The following UBXN2B variants were observed in gnomAD, a reference collection of about 807,000 sequenced individuals.
The protein encoded by UBXN2B is UBX domain-containing protein 2B.
A neutral mutation model predicts 37.5 loss-of-function variants in UBXN2B; 19 were observed. The observed-to-expected ratio is 0.51, with a 90% CI of 0.35 to 0.74. The LOEUF is 0.74. Ranked by LOEUF, UBXN2B falls within the 30% of genes least tolerant of loss-of-function variation. The probability of loss-of-function intolerance (pLI) is 0.01; values close to 1 mark genes in which losing one functional copy is unlikely to be tolerated. For synonymous variants in UBXN2B, 145 were observed against 143.8 expected, an observed-to-expected ratio of 1.01 and a Z score of -0.06; for missense variants, 370 against 393.2, an observed-to-expected ratio of 0.94 and a Z score of 0.50.
intron 5 of UBXN2B, chr8:58,435,236 A>G (rs187770677): frequency 1.2e-6 from 1 of 808,496 alleles, no homozygotes; most frequent in African/African-American, 1.8e-5. Context: ...ATACAGGGTT[A>G]TACTCCATAA....
intron 6 of UBXN2B, among the ~76,000 whole-genome samples, chr8:58,444,466 C>T (rs1343202604): frequency 1.3e-5 from 2 of 152,184 alleles, no homozygotes; most frequent in Non-Finnish European, 2.9e-5. Context: ...GAGAACCATG[C>T]TGTTAACACT....
intron 1 of UBXN2B, among the ~76,000 whole-genome samples, chr8:58,412,301 G>C (rs1450761389): frequency 6.6e-6 from 1 of 152,178 alleles, no homozygotes; most frequent in African/African-American, 2.4e-5. Flanking sequence ...ATACTGCTGA[G>C]CTTTGCGAAT....
At chr8:58,427,420 G>A (rs773244557) in intron 2 of UBXN2B, among the ~76,000 whole-genome samples, 13 of 152,302 alleles carry the variant, frequency 8.5e-5, no homozygotes, top group Non-Finnish European at 1.9e-4. Context: ...CCAAGATCAC[G>A]CCACTGCACT....
In UBXN2B at chr8:58,447,979, T is replaced by G. The variant is rs767570184; in HGVS notation, c.*428T>G. The G allele has an allele frequency of 1.3e-5, 2 of 153,214 alleles. No homozygotes were observed. The highest frequency in any genetic ancestry group is 4.8e-5 in the African/African-American group (2 of 41,506). 9.5% of individuals were successfully genotyped at this position (153,214 alleles called of 1,614,324 possible). On this transcript the variant is annotated 3_prime_UTR_variant, in exon 8 of 8. Transcript: ENST00000399598. ...ATAAGTTGAAAATTTGTCTATAATA[T>G]ATACTGAAACGTGTCTTTTGATTTT...
At chr8:58,412,537 A>T (rs1323237481) in intron 1 of UBXN2B, among the ~76,000 whole-genome samples, 2 of 152,240 alleles carry the variant, frequency 1.3e-5, no homozygotes, top group African/African-American at 4.8e-5. Context: ...TAACATTAGG[A>T]GGTGAACTTA....
chr8:58,444,573 G>A lies in UBXN2B; in HGVS notation c.672-1334G>A, dbSNP rs192611674. On this transcript the variant is annotated intron_variant, in intron 6 of 7. Coordinates refer to ENST00000399598, the MANE Select transcript of UBXN2B (RefSeq NM_001077619.2). ...GTGTATACCTGGTTATCAGTGAGGC[G>A]GAGGTAAAGAGGACCTTTGCATTCA... Among the ~76,000 whole-genome samples the A allele has an allele frequency of 9.2e-5, 14 of 152,300 alleles. No homozygotes were observed. In the East Asian group the frequency reaches 2.1e-3, roughly 23 times the overall value.
At chr8:58,436,864 C>T (rs182322972) in intron 5 of UBXN2B, among the ~76,000 whole-genome samples, 43 of 152,314 alleles carry the variant, frequency 2.8e-4, no homozygotes, top group Admixed American at 6.5e-4. Context: ...CCTGCAGAAC[C>T]ATGAGCCAAA....
intron 3 of UBXN2B, among the ~76,000 whole-genome samples, chr8:58,431,602 A>G (rs919598590): frequency 2.6e-5 from 4 of 152,212 alleles, no homozygotes; most frequent in African/African-American, 9.7e-5. Flanking sequence ...CAATTGGTAG[A>G]TCATACATTA....
rs895834250 is a variant in UBXN2B at position 58,411,451 on chromosome 8, G to C, written c.66G>C (p.Pro22=). ...QERRSSGPRP[P]SARDLQLALA... is the part of the protein sequence containing the mutation. ...GGAGGTCTTCCGGGCCGCGGCCTCC[G>C]AGCGCGCGGGATTTGCAGGTGAGGC... The change falls in exon 1 of 8, where the codon CCG becomes CCC. Residue 22 remains proline (P), a synonymous_variant. Transcript: ENST00000399598. The C allele has an allele frequency of 2.4e-6, 3 of 1,255,088 alleles. No individual in the cohort carries two copies. Among genetic ancestry groups the C allele is most frequent in the African/African-American group, 1.6e-5 (1 of 64,486 alleles). 77.7% of individuals were successfully genotyped at this position (1,255,088 alleles called of 1,614,324 possible). A position where few individuals can be genotyped will look rare whatever the true frequency, so the allele number is the denominator to read the frequency against.
chr8:58,419,510 G>T (rs532812504), intron 2 of UBXN2B, among the ~76,000 whole-genome samples: 2 of 152,314 alleles, frequency 1.3e-5, no homozygotes, highest in Admixed American at 1.3e-4. Context: ...GATATAGTCT[G>T]ATGCCTGTTT....
At chr8:58,412,003 C>G (rs1302644106) in intron 1 of UBXN2B, among the ~76,000 whole-genome samples, 1 of 152,234 alleles carries the variant, frequency 6.6e-6, no homozygotes, top group East Asian at 1.9e-4. Flanking sequence ...AAGCTGTGGT[C>G]TTTAAAACAT....
chr8:58,445,749 A>G (rs1297251801), intron 6 of UBXN2B, among the ~76,000 whole-genome samples, 158 bp from the exon 7 acceptor site: 2 of 152,208 alleles, frequency 1.3e-5, no homozygotes, highest in Non-Finnish European at 2.9e-5. Flanking sequence ...AGATAAACCA[A>G]ATAAGAATCG....
rs566762814 is a variant in UBXN2B, at chr8:58,423,023, C to T, written c.188+6070C>T. On this transcript the variant is annotated intron_variant, in intron 2 of 7. Coordinates refer to ENST00000399598, the MANE Select transcript of UBXN2B (RefSeq NM_001077619.2). ...ACCCTTTTTTAAAATCTGGTCTGGG[C>T]ATGTGACTTGTTTAGTAAGTAGAGG... Among the ~76,000 whole-genome samples, 4 of 152,228 alleles carry T rather than the reference C, an allele frequency of 2.6e-5. No homozygotes were observed. In the South Asian group the frequency reaches 8.3e-4, roughly 32 times the overall value.
chr8:58,419,761 G>A (rs1331161699), intron 2 of UBXN2B, among the ~76,000 whole-genome samples: 1 of 152,182 alleles, frequency 6.6e-6, no homozygotes, highest in African/African-American at 2.4e-5. Context: ...ATGACCAGAG[G>A]AACCAGAAAA....
chr8:58,433,811 A>G lies in UBXN2B; in HGVS notation c.423+568A>G, dbSNP rs370999975. ...CAATTAAAAAAAGAAAAATGAACAAATATATAGTTATTATTATAAATGGTA... is the reference window on the plus strand; with the variant it reads ...CAATTAAAAAAAGAAAAATGAACAAGTATATAGTTATTATTATAAATGGTA... On this transcript the variant is annotated intron_variant, in intron 4 of 7. Transcript: ENST00000399598. 1.1e-4 allele frequency among the ~76,000 whole-genome samples: 16 copies of G among 152,176 alleles called. No homozygotes were observed. The East Asian group carries it at 1.4e-3, about 13-fold the overall frequency.
At chr8:58,425,284 C>G (rs1006538312) in intron 2 of UBXN2B, 4 of 1,147,466 alleles carry the variant, frequency 3.5e-6, no homozygotes, top group East Asian at 4.7e-5. Flanking sequence ...TTTACTCTAT[C>G]CTCTCTCCAC....
chr8:58,416,872 A>T lies in UBXN2B; in HGVS notation c.107A>T (p.Glu36Val). ...TAGTTGGCCTTGGCAGAATTGTATG[A>T]AGATGAAGTGAAGTGCAAATCTTCC... ...DLQLALAELY[E>V]DEVKCKSSKS... Residue 36 changes from glutamate (E) to valine (V), a missense_variant, in exon 2 of 8, where the codon GAA (glutamate) becomes GTA (valine). Glu to Val is a moderately radical substitution (Grantham distance 121). Around this residue, in one of 3 missense-constraint regions of UBXN2B, gnomAD observed 197 missense variants for 170.2 expected, o/e 1.16. Transcript: ENST00000399598. 1 of 1,612,664 alleles carries T rather than the reference A, an allele frequency of 6.2e-7. No homozygotes were observed. Among genetic ancestry groups the T allele is most frequent in the African/African-American group, 1.3e-5 (1 of 75,032 alleles).
At chr8:58,437,955 C>A (rs999001406) in intron 5 of UBXN2B, among the ~76,000 whole-genome samples, 3 of 151,396 alleles carry the variant, frequency 2.0e-5, no homozygotes, top group Non-Finnish European at 2.9e-5. Context: ...AGGCAGCCCC[C>A]CCCCCAACCC....
intron 2 of UBXN2B, among the ~76,000 whole-genome samples, chr8:58,417,900 C>T (rs1807824919): frequency 6.6e-6 from 1 of 152,060 alleles, no homozygotes; most frequent in East Asian, 1.9e-4. Flanking sequence ...ATGAGTCTCC[C>T]GAGAAGAAGC....
Sources: gnomAD v4.1 joint callset for allele counts (sites outside exome capture counted in the v4.1 genomes callset) on GRCh38, gnomAD v4.1.1 for gene constraint, gnomAD v4.1.1 regional missense constraint, MANE v1.5 for transcripts, NCBI Gene and HGNC (gene_info 2026-07-23, HGNC 2026-07-21) for gene names.